Variants in MTUS2 observed in about 807,000 individuals in gnomAD.
The protein encoded by MTUS2 is microtubule associated scaffold protein 2, also known as microtubule-associated tumor suppressor candidate 2.
MTUS2 carries 40 observed loss-of-function variants against 114.1 expected under a neutral mutation model. The observed-to-expected ratio is 0.35, with a 90% CI of 0.27 to 0.46. MTUS2 has a LOEUF of 0.46. MTUS2 is among the 20% of genes least tolerant of loss of function. MTUS2 has a pLI of 1.00. For synonymous variants in MTUS2, 688 were observed against 672.0 expected, an observed-to-expected ratio of 1.02 and a Z score of -0.37; for missense variants, 1,679 against 1,705.4, an observed-to-expected ratio of 0.98 and a Z score of 0.27.
chr13:29,173,065 GT>G (rs1397238808), intron 5 of MTUS2, among the ~76,000 whole-genome samples: 4 of 152,004 alleles, frequency 2.6e-5, no homozygotes. Flanking sequence ...TCTGGGACTT[GT>G]TTGTGCTGGT....
chr13:29,440,107 A>T (rs1877720467), intron 9 of MTUS2, 58 bp downstream of exon 9: 1 of 1,505,930 alleles, frequency 6.6e-7, no homozygotes, highest in Admixed American at 2.0e-5. Context: ...ATTCCTGTGA[A>T]TGTGTACCAA....
intron 4 of MTUS2, among the ~76,000 whole-genome samples, chr13:29,057,633 G>T (rs1888199836): frequency 6.6e-6 from 1 of 152,064 alleles, no homozygotes; most frequent in Non-Finnish European, 1.5e-5. Flanking sequence ...GCTTTTTCCT[G>T]TGTTTTCTTT....
chr13:29,343,305 A>G (rs751481217), intron 7 of MTUS2, among the ~76,000 whole-genome samples: 2 of 151,944 alleles, frequency 1.3e-5, no homozygotes, highest in Admixed American at 6.5e-5. Context: ...CTTGTTGGCA[A>G]TTTTTTATTA....
intron 11 of MTUS2, chr13:29,489,728 T>C (rs900320287): frequency 6.6e-6 from 1 of 152,230 alleles, no homozygotes; most frequent in African/African-American, 2.4e-5. Flanking sequence ...AGGACCATTG[T>C]GTTAAACACC....
chr13:29,021,999 G>T (rs1886312150), intron 2 of MTUS2, among the ~76,000 whole-genome samples: 1 of 152,168 alleles, frequency 6.6e-6, no homozygotes, highest in Non-Finnish European at 1.5e-5. Flanking sequence ...GATGAGGACA[G>T]TGAGGGAGTC....
chr13:29,304,378 C>G (rs543842821), intron 6 of MTUS2, among the ~76,000 whole-genome samples: 2 of 141,674 alleles, frequency 1.4e-5, no homozygotes, highest in African/African-American at 2.6e-5. Flanking sequence ...CATCAGTATG[C>G]TGTTTTCAAG....
At chr13:28,949,462 A>G (rs1481115564) in intron 2 of MTUS2, among the ~76,000 whole-genome samples, 2 of 152,244 alleles carry the variant, frequency 1.3e-5, no homozygotes, top group Non-Finnish European at 2.9e-5. Flanking sequence ...AAATATTTTA[A>G]TTGTGGTAAA....
At chr13:28,877,574 C>T (rs1034921877) in intron 2 of MTUS2, among the ~76,000 whole-genome samples, 6 of 151,926 alleles carry the variant, frequency 3.9e-5, no homozygotes, top group African/African-American at 1.5e-4. Flanking sequence ...TGGTAGGAGC[C>T]ATAAAACCTC....
intron 2 of MTUS2, among the ~76,000 whole-genome samples, chr13:28,841,592 G>A (rs937158344): frequency 2.0e-5 from 3 of 152,172 alleles, no homozygotes; most frequent in African/African-American, 7.2e-5. Context: ...GGTTTCTTGG[G>A]TGCTGGAGAC....
At position 29,267,311 on chromosome 13, in the gene MTUS2, A is replaced by G. The variant is rs144040302; in HGVS notation, c.2645-14393A>G. Among the ~76,000 whole-genome samples, 931 of 152,330 alleles carry G rather than the reference A, an allele frequency of 6.1e-3. 34 individuals are homozygous for G. The highest frequency in any genetic ancestry group is 0.056 in the Admixed American group (862 of 15,302). ...TGTTGTAAATGCCAACTCCTCCAAG[A>G]GGTCCTCCCAACCACGCCTTCCAAA... On this transcript the variant is annotated intron_variant, in intron 5 of 15. Transcript: ENST00000612955.
intron 5 of MTUS2, among the ~76,000 whole-genome samples, chr13:29,230,999 A>AT (rs1896301453): frequency 6.6e-6 from 1 of 152,156 alleles, no homozygotes; most frequent in East Asian, 1.9e-4. Context: ...CCATAATCTG[A>AT]TTTTATATAG....
At chr13:29,076,692 G>A (rs1466345335) in intron 4 of MTUS2, among the ~76,000 whole-genome samples, 1 of 152,142 alleles carries the variant, frequency 6.6e-6, no homozygotes, top group Non-Finnish European at 1.5e-5. Flanking sequence ...CAAGAGCCCA[G>A]GGAAGAATCT....
At chr13:29,097,160 T>G (rs900689786) in intron 4 of MTUS2, among the ~76,000 whole-genome samples, 5 of 152,198 alleles carry the variant, frequency 3.3e-5, no homozygotes, top group Admixed American at 2.6e-4. Context: ...TCATATATTG[T>G]GATGATAGTA....
At chr13:28,838,986 G>A (rs1205226811) in intron 1 of MTUS2, among the ~76,000 whole-genome samples, 2 of 135,550 alleles carry the variant, frequency 1.5e-5, no homozygotes, top group Non-Finnish European at 1.6e-5. Context: ...CATAATCACT[G>A]GGGTTTTCAA....
At chr13:29,498,562 G>A (rs771978664) in intron 14 of MTUS2, 25 bp downstream of exon 14, 10 of 1,613,406 alleles carry the variant, frequency 6.2e-6, no homozygotes, top group South Asian at 3.3e-5. Context: ...TTGCTCGGGA[G>A]AGTAACCTCC....
At chr13:28,971,509 A>G (rs1442520120) in intron 2 of MTUS2, among the ~76,000 whole-genome samples, 2 of 152,214 alleles carry the variant, frequency 1.3e-5, no homozygotes, top group Non-Finnish European at 2.9e-5. Context: ...TGAGAGAAAT[A>G]CTATACCCAT....
At chr13:29,242,269 C>A (rs1021347002) in intron 5 of MTUS2, among the ~76,000 whole-genome samples, 1 of 152,120 alleles carries the variant, frequency 6.6e-6, no homozygotes, top group African/African-American at 2.4e-5. Flanking sequence ...AGCTAGTAAT[C>A]TACTGTCTAT....
At chr13:29,255,829 C>T (rs1270714575) in intron 5 of MTUS2, among the ~76,000 whole-genome samples, 1 of 152,106 alleles carries the variant, frequency 6.6e-6, no homozygotes, top group Non-Finnish European at 1.5e-5. Context: ...TCAGGAATAG[C>T]CTTCAGTTTC....
chr13:29,457,777 C>T (rs1404667118), intron 9 of MTUS2, among the ~76,000 whole-genome samples: 1 of 152,084 alleles, frequency 6.6e-6, no homozygotes, highest in Non-Finnish European at 1.5e-5. Flanking sequence ...CTTCGAGGGC[C>T]CCAGTCCCTC....
Sources: allele counts gnomAD v4.1 joint callset (sites outside exome capture counted in the v4.1 genomes callset), GRCh38; gene constraint gnomAD v4.1.1; transcripts MANE v1.5; gene names NCBI Gene and HGNC (gene_info 2026-07-23, HGNC 2026-07-21).